The following SYT16 variants were observed in gnomAD, a reference collection of about 807,000 sequenced individuals.
SYT16 encodes synaptotagmin-16.
SYT16 carries 42 observed loss-of-function variants against 61.4 expected under a neutral mutation model. The observed-to-expected ratio is 0.68, with a 90% confidence interval of 0.53 to 0.89. The LOEUF (loss-of-function observed/expected upper bound fraction) is 0.89, where lower values mean the gene tolerates loss of function less well. Among genes scored for constraint, SYT16 ranks in the 40% least tolerant of loss-of-function variants. The pLI is 0.00. For missense variants in SYT16, 804 were observed against 807.3 expected, an observed-to-expected ratio of 1.00 and a Z score of 0.05; for synonymous variants, 314 against 302.3, an observed-to-expected ratio of 1.04 and a Z score of -0.40.
At chr14:61,837,586 T>A (rs567762594) in intron 1 of SYT16, among the ~76,000 whole-genome samples, 1 of 152,268 alleles carries the variant, frequency 6.6e-6, no homozygotes, top group African/African-American at 2.4e-5. Flanking sequence ...TGCTAAGGCC[T>A]CACAAAGGCT....
Position 61,899,783 on chromosome 14 carries a change from C to A in SYT16, c.-324-70349C>A, listed in dbSNP as rs1280639178. ...GGCTCAGAGCAGAAAGACAGATGAG[C>A]TGATGTGAGGAGGTTCCTTTATTCT... On this transcript the variant is annotated intron_variant, in intron 1 of 7. Transcript: ENST00000683842. Among the ~76,000 whole-genome samples, 4 of 152,150 alleles carry A rather than the reference C, an allele frequency of 2.6e-5. No homozygotes were observed. The South Asian group carries it at 6.2e-4, about 24-fold the overall frequency.
intron 1 of SYT16, among the ~76,000 whole-genome samples, chr14:61,928,061 A>G (rs1356111890): frequency 1.3e-5 from 2 of 152,202 alleles, no homozygotes; most frequent in Non-Finnish European, 2.9e-5. Context: ...CAAGAACTGT[A>G]ATAGGTGTAA....
rs116141704 is a variant in SYT16 at position 61,977,891 on chromosome 14, C to G, written c.-145+7580C>G. On this transcript the variant is annotated intron_variant, in intron 2 of 7. Coordinates refer to ENST00000683842, the MANE Select transcript of SYT16 (RefSeq NM_001367656.1). ...TTATTTTTGCACAATTCTGGAGACC[C>G]ATATTCTGAAATCAAGGTGTCAGCA... 6.0e-3 allele frequency among the ~76,000 whole-genome samples: 909 copies of G among 152,214 alleles called. 10 individuals are homozygous for G. Among genetic ancestry groups the G allele is most frequent in the African/African-American group, 0.021 (866 of 41,520 alleles).
intron 1 of SYT16, among the ~76,000 whole-genome samples, chr14:61,965,314 G>C (rs1476682284): frequency 6.6e-6 from 1 of 152,142 alleles, no homozygotes; most frequent in Non-Finnish European, 1.5e-5. Flanking sequence ...GTTTAACATA[G>C]CTATGGCTAA....
At chr14:62,056,540 G>T (rs113174958) in intron 3 of SYT16, among the ~76,000 whole-genome samples, 1 of 152,192 alleles carries the variant, frequency 6.6e-6, no homozygotes, top group Non-Finnish European at 1.5e-5. Context: ...TGCATGGGGC[G>T]CTCTCCAAGC....
At chr14:62,013,105 T>C (rs1166478355) in intron 3 of SYT16, among the ~76,000 whole-genome samples, 1 of 152,232 alleles carries the variant, frequency 6.6e-6, no homozygotes, top group Non-Finnish European at 1.5e-5. Context: ...GGTAGACTTT[T>C]TACATATATT....
At chr14:62,096,284 T>C (rs529284049) in intron 7 of SYT16, among the ~76,000 whole-genome samples, 20 of 152,116 alleles carry the variant, frequency 1.3e-4, no homozygotes, top group Non-Finnish European at 2.6e-4. Context: ...TAGAAGGTAG[T>C]AGCAATTAAT....
At chr14:62,043,410 T>TC (rs1488419150) in intron 3 of SYT16, among the ~76,000 whole-genome samples, 6 of 148,350 alleles carry the variant, frequency 4.0e-5, no homozygotes, top group East Asian at 3.9e-4. Flanking sequence ...TTTCTTTCTT[T>TC]TTTTTTTTTT....
Position 61,826,211 on chromosome 14 carries a change from A to G in SYT16, c.-325+13401A>G, listed in dbSNP as rs569957572. ...CCATCCCATCTCAGGGCACTCACAC[A>G]CAGCCACACTCACTCACGCTGGGAC... On this transcript the variant is annotated intron_variant, in intron 1 of 7. Transcript: ENST00000683842. 1.2e-3 allele frequency among the ~76,000 whole-genome samples: 179 copies of G among 152,074 alleles called. 4 individuals carry two copies. Among genetic ancestry groups the G allele is most frequent in the African/African-American group, 4.0e-3 (164 of 41,332 alleles).
At position 61,939,421 on chromosome 14, in the gene SYT16, A is replaced by C. The variant is rs139078619; in HGVS notation, c.-324-30711A>C. ...CTTTCACAAATGCCACCAACTGCAAAGCTTCAACAGCAGAGATCTATTTTC... is the reference window on the plus strand; with the variant it reads ...CTTTCACAAATGCCACCAACTGCAACGCTTCAACAGCAGAGATCTATTTTC... On this transcript the variant is annotated intron_variant, in intron 1 of 7. Coordinates refer to ENST00000683842, the MANE Select transcript of SYT16 (RefSeq NM_001367656.1). 3.9e-4 allele frequency among the ~76,000 whole-genome samples: 60 copies of C among 152,332 alleles called. 1 individual carries two copies. In the East Asian group the frequency reaches 0.01, roughly 25 times the overall value.
At chr14:62,063,348 C>T (rs780831044) in intron 3 of SYT16, among the ~76,000 whole-genome samples, 66 of 152,130 alleles carry the variant, frequency 4.3e-4, no homozygotes, top group Admixed American at 3.5e-3. Flanking sequence ...CTGATGAAGA[C>T]GATGAATATA....
chr14:62,075,009 C>T lies in SYT16; in HGVS notation c.737-126C>T, dbSNP rs560979224. ...CTGTATGGATAGAATTATGTTTCTG[C>T]AGGTATTATTGGTATGGGTTCTGTT... On this transcript the variant is annotated intron_variant, in intron 4 of 7. Coordinates refer to ENST00000683842, the MANE Select transcript of SYT16 (RefSeq NM_001367656.1). 269 of 972,514 alleles carry T rather than the reference C, an allele frequency of 2.8e-4. 4 individuals are homozygous for T. The South Asian group carries it at 4.5e-3, about 16-fold the overall frequency. 60.2% of individuals were successfully genotyped at this position (972,514 alleles called of 1,614,324 possible).
At chr14:61,856,920 C>T (rs1218844784) in intron 1 of SYT16, among the ~76,000 whole-genome samples, 8 of 151,984 alleles carry the variant, frequency 5.3e-5, no homozygotes, top group Non-Finnish European at 1.0e-4. Flanking sequence ...ATTTAATATC[C>T]TAGAAGCCAA....
chr14:62,093,452 T>A (rs572566523), intron 7 of SYT16, among the ~76,000 whole-genome samples: 1 of 152,192 alleles, frequency 6.6e-6, no homozygotes, highest in East Asian at 1.9e-4. Context: ...AAGGTCTCTC[T>A]CTTTTTCCCA....
chr14:61,997,987 G>A (rs755602937), intron 3 of SYT16, among the ~76,000 whole-genome samples: 9 of 151,894 alleles, frequency 5.9e-5, no homozygotes, highest in African/African-American at 1.7e-4. Flanking sequence ...ACAGTGTTGG[G>A]TAGGAGATCA....
intron 1 of SYT16, among the ~76,000 whole-genome samples, chr14:61,880,120 A>G (rs1384117419): frequency 1.3e-5 from 2 of 152,094 alleles, no homozygotes; most frequent in African/African-American, 2.4e-5. Flanking sequence ...CTGCTTATTT[A>G]CCTCCAGTGC....
chr14:61,997,559 C>T (rs1039841505), intron 3 of SYT16, among the ~76,000 whole-genome samples: 3 of 151,976 alleles, frequency 2.0e-5, no homozygotes, highest in Non-Finnish European at 4.4e-5. Flanking sequence ...TCATAATGCT[C>T]TCTTGATACT....
At chr14:61,820,469 GTTTTTTTTTTTTT>G (rs71117856) in intron 1 of SYT16, among the ~76,000 whole-genome samples, 12 of 61,082 alleles carry the variant, frequency 2.0e-4, no homozygotes, top group African/African-American at 8.3e-4. Context: ...CCTCTTCAGA[GTTTTTTTTTTTTT>G]TTTTTTTTTT....
In SYT16 at chr14:62,081,121, T is replaced by G. The variant is rs755904877; in HGVS notation, c.1281T>G (p.Asp427Glu). The change falls in exon 6 of 8, where the codon GAT becomes GAG. Residue 427 changes from aspartate (D) to glutamate (E), a missense_variant. By Grantham distance (45) the Asp-to-Glu change is conservative (BLOSUM62 2). Coordinates refer to ENST00000683842, the MANE Select transcript of SYT16 (RefSeq NM_001367656.1). ...KVTFAKLEPR[D>E]VAACAVRFRL... ...CCTTTGCCAAGCTGGAGCCCAGAGA[T>G]GTGGCTGCCTGTGCTGTCCGCTTCC... is the stretch of plus-strand genomic sequence containing the variant. 14 of 1,613,796 alleles carry G rather than the reference T, an allele frequency of 8.7e-6. No homozygotes were observed. In the African/African-American group the frequency reaches 1.9e-4, roughly 22 times the overall value.
Sources: gnomAD v4.1 joint callset for allele counts (sites outside exome capture counted in the v4.1 genomes callset) on GRCh38, gnomAD v4.1.1 for gene constraint, MANE v1.5 for transcripts, NCBI Gene and HGNC (gene_info 2026-07-23, HGNC 2026-07-21) for gene names.